TTC27: variants seen among roughly 807,000 people sequenced by gnomAD.
TTC27 encodes the protein tetratricopeptide repeat domain 27.
Under a neutral mutation model 115.9 loss-of-function variants are expected in TTC27, and 79 were observed. That is an observed-to-expected ratio of 0.68 (90% CI 0.57 to 0.82). The LOEUF is 0.82. TTC27 is among the 40% of genes least tolerant of loss of function. The pLI, the probability that TTC27 is intolerant of heterozygous loss-of-function variation, is 0.00. For synonymous variants in TTC27, 401 were observed against 356.0 expected, an observed-to-expected ratio of 1.13 and a Z score of -1.42; for missense variants, 1,054 against 993.1, an observed-to-expected ratio of 1.06 and a Z score of -0.82.
chr2:32,777,213 G>T (rs1212761762), intron 13 of TTC27, among the ~76,000 whole-genome samples: 1 of 152,244 alleles, frequency 6.6e-6, no homozygotes. Flanking sequence ...GTTTGAAGAT[G>T]AAAACAGAAA....
chr2:32,702,886 C>A lies in TTC27; in HGVS notation c.1199C>A (p.Thr400Asn). 6.2e-7 allele frequency: 1 copy of A among 1,614,058 alleles called. No individual in the cohort carries two copies. Among genetic ancestry groups the A allele is most frequent in the Non-Finnish European group, 8.5e-7 (1 of 1,179,962 alleles). The change falls in exon 10 of 20, where the codon ACT becomes AAT. Residue 400 changes from threonine (T) to asparagine (N), a missense_variant. Thr to Asn is a moderately conservative substitution (Grantham distance 65, BLOSUM62 0). Transcript: ENST00000317907. ...ILRTKLEKGSTRRVERAMRQT... is the reference protein window; with the variant it reads ...ILRTKLEKGSNRRVERAMRQT... ...CGGACAAAACTTGAGAAAGGAAGTA[C>A]TCGCCGAGTGGAACGGGCAATGAGG...
intron 13 of TTC27, among the ~76,000 whole-genome samples, chr2:32,773,724 G>A (rs1410134065): frequency 6.6e-6 from 1 of 152,208 alleles, no homozygotes; most frequent in Non-Finnish European, 1.5e-5. Context: ...GGCACACATA[G>A]CAGATGCTCA....
At position 32,628,199 on chromosome 2, in the gene TTC27, C is replaced by G; in HGVS notation, c.-94C>G. The G allele has an allele frequency of 8.3e-7, 1 of 1,199,940 alleles. No individual in the cohort carries two copies. Among genetic ancestry groups the G allele is most frequent in the Non-Finnish European group, 1.2e-6 (1 of 835,656 alleles). 74.3% of individuals were successfully genotyped at this position (1,199,940 alleles called of 1,614,324 possible). On this transcript the variant is annotated 5_prime_UTR_variant, in exon 1 of 20. Coordinates refer to ENST00000317907, the MANE Select transcript of TTC27 (RefSeq NM_017735.5). ...TACGGTAACTGTCGCCACTAGATTT[C>G]AGCGCCTTTGGACTCTCCTGTTTTC...
chr2:32,780,182 A>G (rs1298172602), intron 14 of TTC27: 2 of 418,414 alleles, frequency 4.8e-6, no homozygotes, highest in Admixed American at 2.5e-5. Flanking sequence ...GAATTTTCCT[A>G]TGGGATTTTT....
chr2:32,811,546 A>G (rs1216875330), intron 17 of TTC27, among the ~76,000 whole-genome samples: 1 of 152,186 alleles, frequency 6.6e-6, no homozygotes, highest in East Asian at 1.9e-4. Context: ...TTCTGCAGGC[A>G]CCTTGCTAAA....
chr2:32,792,032 C>T (rs1670554907), intron 16 of TTC27, among the ~76,000 whole-genome samples: 1 of 152,212 alleles, frequency 6.6e-6, no homozygotes, highest in African/African-American at 2.4e-5. Context: ...GAAACACCAC[C>T]TCTTTCCCCC....
chr2:32,758,279 C>T lies in TTC27; in HGVS notation c.1453-13C>T, dbSNP rs1481712240. 6.2e-7 allele frequency: 1 copy of T among 1,610,420 alleles called. No homozygotes were observed. The highest frequency in any genetic ancestry group is 8.5e-7 in the Non-Finnish European group (1 of 1,178,022). On this transcript the variant is annotated splice_polypyrimidine_tract_variant and intron_variant, in intron 12 of 19. Coordinates refer to ENST00000317907, the MANE Select transcript of TTC27 (RefSeq NM_017735.5). ...TCACTCTTAAGCAATTTCATTATTT[C>T]TGTTGTTTCTAGGCAGAAGAAATCC... is the stretch of plus-strand genomic sequence containing the variant.
In TTC27 at chr2:32,817,475, A is replaced by G. The variant is rs1262296364; in HGVS notation, c.2327A>G (p.Lys776Arg). Reference sequence around the variant, plus strand: ...CTTCCAGTGGCCATAAAATGCAGTAAAAACAAATCCAGTTCCCAAGAAGCT... The same window carrying G: ...CTTCCAGTGGCCATAAAATGCAGTAGAAACAAATCCAGTTCCCAAGAAGCT... Reference protein sequence around the residue: ...GLAHVAIKCSKNKSSSQEAVQ... With the variant: ...GLAHVAIKCSRNKSSSQEAVQ... Residue 776 changes from lysine to arginine, a missense_variant, in exon 19 of 20, where the codon AAA becomes AGA. By Grantham distance (26) the Lys-to-Arg change is conservative. Coordinates refer to ENST00000317907, the MANE Select transcript of TTC27 (RefSeq NM_017735.5). 1.2e-6 allele frequency: 2 copies of G among 1,614,052 alleles called. No homozygotes were observed. Among genetic ancestry groups the G allele is most frequent in the Non-Finnish European group, 1.7e-6 (2 of 1,179,980 alleles).
chr2:32,746,741 C>G (rs902044023), intron 12 of TTC27, among the ~76,000 whole-genome samples: 1 of 151,936 alleles, frequency 6.6e-6, no homozygotes, highest in Non-Finnish European at 1.5e-5. Flanking sequence ...CTGGGCACAT[C>G]TTTTGTAGCT....
intron 15 of TTC27, among the ~76,000 whole-genome samples, chr2:32,785,068 G>A (rs1670303170): frequency 6.6e-6 from 1 of 152,078 alleles, no homozygotes; most frequent in African/African-American, 2.4e-5. Context: ...ATCTAAAAAT[G>A]TTTCATTTTG....
At chr2:32,749,408 A>G (rs1338991964) in intron 12 of TTC27, among the ~76,000 whole-genome samples, 1 of 152,210 alleles carries the variant, frequency 6.6e-6, no homozygotes, top group East Asian at 1.9e-4. Flanking sequence ...GGCTCTTGGT[A>G]TTCAAGACTA....
chr2:32,788,896 GT>G (rs1479676577), intron 16 of TTC27, among the ~76,000 whole-genome samples: 2 of 152,272 alleles, frequency 1.3e-5, no homozygotes, highest in Non-Finnish European at 2.9e-5. Context: ...CATAGAGCAG[GT>G]CAAAGTGGTA....
intron 9 of TTC27, among the ~76,000 whole-genome samples, chr2:32,694,549 AT>A (rs1302093840): frequency 1.3e-5 from 2 of 152,188 alleles, no homozygotes; most frequent in Non-Finnish European, 2.9e-5. Flanking sequence ...ATTAAAAAAA[AT>A]AAGAAATTAT....
At chr2:32,800,490 T>A (rs1270147617) in intron 16 of TTC27, among the ~76,000 whole-genome samples, 1 of 147,638 alleles carries the variant, frequency 6.8e-6, no homozygotes, top group Admixed American at 6.8e-5. Context: ...CCTTTATTTT[T>A]ATTTTATTTT....
chr2:32,735,362 T>G (rs1668420518), intron 11 of TTC27, among the ~76,000 whole-genome samples: 1 of 152,216 alleles, frequency 6.6e-6, no homozygotes, highest in Admixed American at 6.5e-5. Flanking sequence ...TGTGGTTTGA[T>G]GGATAAACAT....
intron 10 of TTC27, among the ~76,000 whole-genome samples, chr2:32,715,719 C>A (rs148057414): frequency 6.6e-6 from 1 of 152,124 alleles, no homozygotes; most frequent in African/African-American, 2.4e-5. Context: ...CATGACCTAT[C>A]TCATTAATTC....
In TTC27 at chr2:32,742,469, C is replaced by T. The variant is rs540860180; in HGVS notation, c.1452+5653C>T. Among the ~76,000 whole-genome samples, 32 of 152,272 alleles carry T rather than the reference C, an allele frequency of 2.1e-4. No homozygotes were observed. In the South Asian group the frequency reaches 6.4e-3, roughly 31 times the overall value. On this transcript the variant is annotated intron_variant, in intron 12 of 19. Transcript: ENST00000317907. Reference sequence around the variant, plus strand: ...CAAGCCAGAGCATGGTGTTGTCACACATATAACTGTGAAAAACAATTAGTG... The same window carrying T: ...CAAGCCAGAGCATGGTGTTGTCACATATATAACTGTGAAAAACAATTAGTG...
chr2:32,820,952 A>G lies in TTC27; in HGVS notation c.*14A>G, dbSNP rs1452942487. 1.6e-6 allele frequency: 2 copies of G among 1,247,500 alleles called. No individual in the cohort carries two copies. Among genetic ancestry groups the G allele is most frequent in the Non-Finnish European group, 2.1e-6 (2 of 955,250 alleles). The allele number at this position is 1,247,500 out of a possible 1,614,324, so 77.3% of individuals were successfully genotyped here. On this transcript the variant is annotated 3_prime_UTR_variant, in exon 20 of 20. Coordinates refer to ENST00000317907, the MANE Select transcript of TTC27 (RefSeq NM_017735.5). Reference sequence around the variant, plus strand: ...AATCAGTATTGATTCTGCTGGAAGCAGATTCTGGAAAAGGTGCTTTCACCT... The same window carrying G: ...AATCAGTATTGATTCTGCTGGAAGCGGATTCTGGAAAAGGTGCTTTCACCT...
chr2:32,678,013 T>C (rs1475223758), intron 8 of TTC27, among the ~76,000 whole-genome samples: 1 of 152,270 alleles, frequency 6.6e-6, no homozygotes, highest in South Asian at 2.1e-4. Flanking sequence ...TCCAAACACA[T>C]TGGGAATCTG....
Sources: allele counts gnomAD v4.1 joint callset (sites outside exome capture counted in the v4.1 genomes callset), GRCh38; gene constraint gnomAD v4.1.1; transcripts MANE v1.5; gene names NCBI Gene and HGNC (gene_info 2026-07-23, HGNC 2026-07-21).